The following EXOC6B variants were observed in gnomAD, a reference collection of about 807,000 sequenced individuals.
The protein encoded by EXOC6B is exocyst complex component 6B.
A neutral mutation model predicts 113.5 loss-of-function variants in EXOC6B; 54 were observed. The observed-to-expected ratio is 0.48, with a 90% CI of 0.38 to 0.60. EXOC6B has a LOEUF of 0.60. EXOC6B is among the 20% of genes least tolerant of loss of function. The probability of loss-of-function intolerance (pLI) is 0.00; values close to 1 mark genes in which losing one functional copy is unlikely to be tolerated. For synonymous variants in EXOC6B, 357 were observed against 339.0 expected (o/e 1.05, Z -0.58); for missense variants, 797 against 977.5 (o/e 0.82, Z 2.46).
intron 6 of EXOC6B, among the ~76,000 whole-genome samples, chr2:72,668,851 AC>A (rs1021729846): frequency 9.9e-4 from 151 of 152,266 alleles, no homozygotes; most frequent in African/African-American, 3.6e-3. Flanking sequence ...ATTCAGTTAT[AC>A]CCCAAATCTC....
At chr2:72,185,906 C>T (rs1365283682) in intron 20 of EXOC6B, among the ~76,000 whole-genome samples, 17 of 150,546 alleles carry the variant, frequency 1.1e-4, no homozygotes, top group Admixed American at 4.0e-4. Flanking sequence ...CCCAACCCCA[C>T]GACAGGCCCC....
chr2:72,282,070 AC>A (rs1239013356), intron 20 of EXOC6B, among the ~76,000 whole-genome samples: 1 of 152,014 alleles, frequency 6.6e-6, no homozygotes, highest in Non-Finnish European at 1.5e-5. Flanking sequence ...AGCCCTCCTC[AC>A]CCCCTGCCAA....
At chr2:72,217,923 G>A (rs1299252507) in intron 20 of EXOC6B, among the ~76,000 whole-genome samples, 1 of 152,144 alleles carries the variant, frequency 6.6e-6, no homozygotes, top group Admixed American at 6.5e-5. Flanking sequence ...ACTATGCTAA[G>A]CATTTTTATA....
intron 6 of EXOC6B, among the ~76,000 whole-genome samples, chr2:72,658,290 A>T (rs1674753841): frequency 1.4e-3 from 4 of 2,946 alleles, no homozygotes; most frequent in East Asian, 0.083. Flanking sequence ...AACTAGTAAA[A>T]AAAAAAAAAA....
chr2:72,399,874 T>C (rs1013990039), intron 18 of EXOC6B, among the ~76,000 whole-genome samples: 22 of 152,232 alleles, frequency 1.4e-4, no homozygotes, highest in Non-Finnish European at 5.9e-5. Context: ...AATCTACAGA[T>C]TCAATGCAAT....
intron 18 of EXOC6B, among the ~76,000 whole-genome samples, chr2:72,441,742 C>G (rs1044664948): frequency 2.6e-5 from 4 of 151,280 alleles, no homozygotes; most frequent in South Asian, 2.1e-4. Flanking sequence ...AAATTGAGTA[C>G]TACCACTTAC....
chr2:72,334,259 C>T (rs1688567836), intron 20 of EXOC6B, among the ~76,000 whole-genome samples: 2 of 152,164 alleles, frequency 1.3e-5, no homozygotes, highest in African/African-American at 2.4e-5. Flanking sequence ...GCCTACCAAC[C>T]CACCCAGTTC....
At chr2:72,399,490 G>C (rs1330973848) in intron 18 of EXOC6B, among the ~76,000 whole-genome samples, 1 of 152,026 alleles carries the variant, frequency 6.6e-6, no homozygotes, top group East Asian at 1.9e-4. Context: ...TATCCAAATA[G>C]ACAAAGAAGG....
intron 20 of EXOC6B, among the ~76,000 whole-genome samples, chr2:72,321,533 C>CAAAAA (rs766214952): frequency 6.5e-5 from 4 of 61,120 alleles, no homozygotes; most frequent in Admixed American, 1.8e-4. Context: ...GACTCCGTCT[C>CAAAAA]AAAAAAAAAA....
At position 72,773,120 on chromosome 2, in the gene EXOC6B, C is replaced by CTTTTTTTTT. The variant is rs1254377634; in HGVS notation, c.114-31660_114-31652dup. Among the ~76,000 whole-genome samples the CTTTTTTTTT allele has an allele frequency of 8.4e-4, 80 of 94,894 alleles. 8 individuals are homozygous for CTTTTTTTTT. Among genetic ancestry groups the CTTTTTTTTT allele is most frequent in the African/African-American group, 3.3e-3 (70 of 21,326 alleles). 62.3% of individuals were successfully genotyped at this position (94,894 alleles called of 152,430 possible). A position where few individuals can be genotyped will look rare whatever the true frequency, so the allele number is the denominator to read the frequency against. On this transcript the variant is annotated intron_variant, in intron 1 of 21. Coordinates refer to ENST00000272427, the MANE Select transcript of EXOC6B (RefSeq NM_015189.3). ...GCTAAGACAGTAGACCTTAGATTTTCTTTTTTTTTTTTTTTTTTTTTTGTG... is the reference window on the plus strand; with the variant it reads ...GCTAAGACAGTAGACCTTAGATTTTCTTTTTTTTTTTTTTTTTTTTTTTTTTTTTTTGTG...
chr2:72,240,652 C>A (rs1682257147), intron 20 of EXOC6B, among the ~76,000 whole-genome samples: 1 of 152,156 alleles, frequency 6.6e-6, no homozygotes, highest in Admixed American at 6.5e-5. Context: ...GGCCTACAAT[C>A]ATCTGCTGGA....
At chr2:72,394,180 T>G (rs895361015) in intron 18 of EXOC6B, among the ~76,000 whole-genome samples, 13 of 152,154 alleles carry the variant, frequency 8.5e-5, no homozygotes, top group Non-Finnish European at 1.3e-4. Flanking sequence ...AGTAAATAAT[T>G]GAAAATGACA....
intron 8 of EXOC6B, among the ~76,000 whole-genome samples, chr2:72,545,219 G>A (rs1053624828): frequency 6.6e-6 from 1 of 151,998 alleles, no homozygotes; most frequent in Non-Finnish European, 1.5e-5. Flanking sequence ...ACCTTTCACT[G>A]CCAGATCAAT....
At chr2:72,257,972 G>A (rs1354123599) in intron 20 of EXOC6B, among the ~76,000 whole-genome samples, 1 of 152,130 alleles carries the variant, frequency 6.6e-6, no homozygotes, top group African/African-American at 2.4e-5. Context: ...CCTGCAAAAA[G>A]GGCATTCTCT....
chr2:72,557,678 G>A (rs1167716267), intron 8 of EXOC6B, among the ~76,000 whole-genome samples: 2 of 152,004 alleles, frequency 1.3e-5, no homozygotes, highest in Admixed American at 1.3e-4. Flanking sequence ...GGAGGAGAGA[G>A]AGAAGCAGAA....
chr2:72,264,239 C>T (rs2104594674), intron 20 of EXOC6B, among the ~76,000 whole-genome samples: 1 of 152,186 alleles, frequency 6.6e-6, no homozygotes, highest in Non-Finnish European at 1.5e-5. Context: ...CTATACTCAA[C>T]ATTGACACTA....
chr2:72,296,516 T>C (rs1466160953), intron 20 of EXOC6B, among the ~76,000 whole-genome samples: 1 of 152,184 alleles, frequency 6.6e-6, no homozygotes, highest in Admixed American at 6.5e-5. Context: ...GTAGAGCAGA[T>C]AGATGAGGAT....
chr2:72,271,276 TCA>T (rs1417543401), intron 20 of EXOC6B, among the ~76,000 whole-genome samples: 1 of 152,168 alleles, frequency 6.6e-6, no homozygotes, highest in Non-Finnish European at 1.5e-5. Context: ...TAGGTAAAGA[TCA>T]CAGTGAATAT....
chr2:72,529,178 G>A (rs1325813752), intron 8 of EXOC6B, among the ~76,000 whole-genome samples: 7 of 152,124 alleles, frequency 4.6e-5, no homozygotes, highest in East Asian at 1.9e-4. Flanking sequence ...AGCTAGCTAC[G>A]GGGTTTTGGC....
Sources: gnomAD v4.1 joint callset for allele counts (sites outside exome capture counted in the v4.1 genomes callset) on GRCh38, gnomAD v4.1.1 for gene constraint, MANE v1.5 for transcripts, NCBI Gene and HGNC (gene_info 2026-07-23, HGNC 2026-07-21) for gene names.